SLIT3: variants seen among roughly 807,000 people sequenced by gnomAD.
SLIT3 encodes slit homolog 3 protein.
Under a neutral mutation model 184.0 loss-of-function variants are expected in SLIT3, and 68 were observed. The ratio of observed to expected loss-of-function variants is 0.37; its 90% CI spans 0.30 to 0.45. The LOEUF is 0.45. SLIT3 is among the 20% of genes least tolerant of loss of function. SLIT3 has a pLI of 1.00. For missense variants in SLIT3, 1,707 were observed against 2,026.0 expected, an observed-to-expected ratio of 0.84 and a Z score of 3.02; for synonymous variants, 831 against 828.6, an observed-to-expected ratio of 1.00 and a Z score of -0.05.
chr5:168,881,831 G>A (rs11134539), intron 5 of SLIT3, among the ~76,000 whole-genome samples: 6,153 of 152,196 alleles, frequency 0.04, 218 homozygotes, highest in Admixed American at 0.1. Context: ...TGTTTCTTGC[G>A]AGAAGCCTAC....
chr5:169,174,071 T>C (rs182013135), intron 4 of SLIT3, among the ~76,000 whole-genome samples: 28 of 152,154 alleles, frequency 1.8e-4, no homozygotes, highest in African/African-American at 6.5e-4. Context: ...ATGGTGCCAA[T>C]CTGCCAGGGC....
intron 3 of SLIT3, among the ~76,000 whole-genome samples, chr5:169,222,653 T>G (rs1193986160): frequency 6.6e-6 from 1 of 152,204 alleles, no homozygotes; most frequent in Non-Finnish European, 1.5e-5. Context: ...ACTGACAAGC[T>G]ATGCCGTAAC....
intron 4 of SLIT3, among the ~76,000 whole-genome samples, chr5:168,935,161 A>C (rs897183140): frequency 6.6e-5 from 10 of 151,280 alleles, no homozygotes; most frequent in Admixed American, 2.6e-4. Flanking sequence ...AAAAAAAAAA[A>C]CCAACAACAA....
At chr5:169,041,188 C>T (rs898334224) in intron 4 of SLIT3, among the ~76,000 whole-genome samples, 16 of 152,306 alleles carry the variant, frequency 1.1e-4, no homozygotes, top group East Asian at 1.9e-4. Context: ...TCTTTTGAGA[C>T]GTGGCCCCAA....
chr5:168,752,444 G>C (rs1472034364), intron 18 of SLIT3: 1 of 146,608 alleles, frequency 6.8e-6, no homozygotes, highest in African/African-American at 2.6e-5. Context: ...GCCTAGGCTG[G>C]AATGCAGTGG....
At position 168,749,508 on chromosome 5, in the gene SLIT3, T is replaced by G; in HGVS notation, c.2101A>C (p.Ile701Leu). 6.2e-7 allele frequency: 1 copy of G among 1,614,138 alleles called. No individual in the cohort carries two copies. The stretch of plus-strand genomic sequence containing the variant: ...AAGTCCTGGATGGCCACATCCTGGA[T>G]GGGAATCTCCTTGAGGAAAAATGGC... ...QKPFFLKEIP[I>L]QDVAIQDFTC... The change falls in exon 19 of 36, where the codon ATC becomes CTC. Residue 701 changes from isoleucine (I) to leucine (L), a missense_variant. By Grantham distance (5) the Ile-to-Leu change is conservative. Coordinates refer to ENST00000519560, the MANE Select transcript of SLIT3 (RefSeq NM_003062.4).
intron 4 of SLIT3, among the ~76,000 whole-genome samples, chr5:169,072,501 GAGGA>G (rs1166000871): frequency 6.6e-6 from 1 of 152,248 alleles, no homozygotes; most frequent in Non-Finnish European, 1.5e-5. Context: ...AAGGGACTGT[GAGGA>G]AGGGTTAGTA....
chr5:169,255,884 C>CA (rs1765946050), intron 1 of SLIT3, among the ~76,000 whole-genome samples: 1 of 151,468 alleles, frequency 6.6e-6, no homozygotes, highest in East Asian at 1.9e-4. Context: ...CTCTGTCCCT[C>CA]AAAAAAAAGT....
intron 4 of SLIT3, among the ~76,000 whole-genome samples, chr5:168,910,842 T>C (rs895386676): frequency 2.0e-5 from 3 of 152,138 alleles, no homozygotes; most frequent in South Asian, 4.2e-4. Flanking sequence ...GAATGCCTTC[T>C]GCAAAGAGAA....
At chr5:168,988,378 G>T (rs919366829) in intron 4 of SLIT3, among the ~76,000 whole-genome samples, 2 of 152,138 alleles carry the variant, frequency 1.3e-5, no homozygotes, top group Admixed American at 1.3e-4. Flanking sequence ...ATTTGGAAGG[G>T]AACACAGACA....
At chr5:169,182,016 G>T (rs1373447836) in intron 4 of SLIT3, among the ~76,000 whole-genome samples, 1 of 152,102 alleles carries the variant, frequency 6.6e-6, no homozygotes, top group African/African-American at 2.4e-5. Context: ...CAGAGCCCCA[G>T]ACACGCCAAC....
At chr5:169,002,322 C>CAAAAAAA (rs397999882) in intron 4 of SLIT3, among the ~76,000 whole-genome samples, 542 of 24,318 alleles carry the variant, frequency 0.022, 31 homozygotes, top group East Asian at 0.033. Context: ...GACTCTGTCT[C>CAAAAAAA]AAAAAAAAAA....
At chr5:169,161,568 AG>A (rs1469066271) in intron 4 of SLIT3, among the ~76,000 whole-genome samples, 1 of 152,146 alleles carries the variant, frequency 6.6e-6, no homozygotes, top group African/African-American at 2.4e-5. Context: ...ATGTTTAAAG[AG>A]AAACAGTCAC....
intron 4 of SLIT3, among the ~76,000 whole-genome samples, chr5:169,186,230 A>G (rs1241520343): frequency 2.0e-5 from 3 of 152,132 alleles, no homozygotes; most frequent in Non-Finnish European, 4.4e-5. Flanking sequence ...ATTAGGGTGG[A>G]TCCCTAATCC....
intron 4 of SLIT3, among the ~76,000 whole-genome samples, chr5:168,967,435 A>ATTTTTTT (rs556216624): frequency 9.8e-5 from 3 of 30,760 alleles, no homozygotes; most frequent in Non-Finnish European, 1.2e-4. Context: ...GCCATCTCAA[A>ATTTTTTT]TCTTTTTTTT....
intron 3 of SLIT3, among the ~76,000 whole-genome samples, chr5:169,212,085 T>C (rs560656407): frequency 7.9e-5 from 12 of 152,352 alleles, no homozygotes; most frequent in African/African-American, 2.9e-4. Flanking sequence ...TAAACATACA[T>C]GTGCATGTGT....
chr5:169,183,770 G>T (rs1263112830), intron 4 of SLIT3, among the ~76,000 whole-genome samples: 1 of 152,208 alleles, frequency 6.6e-6, no homozygotes, highest in Non-Finnish European at 1.5e-5. Context: ...TTTGTGGGAT[G>T]TTTCACATTC....
At chr5:169,122,270 C>A (rs1224647625) in intron 4 of SLIT3, among the ~76,000 whole-genome samples, 1 of 152,278 alleles carries the variant, frequency 6.6e-6, no homozygotes, top group Non-Finnish European at 1.5e-5. Context: ...ACCACACTCT[C>A]GAGAGGAGAA....
intron 4 of SLIT3, among the ~76,000 whole-genome samples, chr5:169,017,166 C>G (rs1756415494): frequency 6.6e-6 from 1 of 152,202 alleles, no homozygotes; most frequent in African/African-American, 2.4e-5. Flanking sequence ...TCACTTTGCC[C>G]TGGAAAGAGG....
Sources: allele counts gnomAD v4.1 joint callset (sites outside exome capture counted in the v4.1 genomes callset), GRCh38; gene constraint gnomAD v4.1.1; transcripts MANE v1.5; gene names NCBI Gene and HGNC (gene_info 2026-07-23, HGNC 2026-07-21).